ZNG1E: variants seen among roughly 807,000 people sequenced by gnomAD.
The protein encoded by ZNG1E is Zn regulated GTPase metalloprotein activator 1E, also known as zinc-regulated GTPase metalloprotein activator 1E.
the ZNG1E span, among the ~76,000 whole-genome samples, chr9:65,667,894 GCTGAGGCAAGAGAATTGC>G: frequency 2.9e-5 from 4 of 136,188 alleles, no homozygotes; most frequent in Admixed American, 3.0e-4. Flanking sequence ...TACTTGGGAG[GCTGAGGCAAGAGAATTGC>G]CTGAACCTTG....
chr9:65,659,183 G>C, the ZNG1E span, among the ~76,000 whole-genome samples: 600 of 151,128 alleles, frequency 4.0e-3, no homozygotes, highest in African/African-American at 0.014. Context: ...GGAAGACACA[G>C]AGCAGTGCCT....
At chr9:65,728,954 C>T in the ZNG1E span, among the ~76,000 whole-genome samples, 10 of 148,014 alleles carry the variant, frequency 6.8e-5, no homozygotes, top group Non-Finnish European at 1.5e-4. Context: ...TGCTAAAATC[C>T]TTAAGAAAAT....
the ZNG1E span, chr9:65,690,878 A>G: frequency 6.5e-7 from 1 of 1,545,230 alleles, no homozygotes; most frequent in African/African-American, 1.4e-5. Flanking sequence ...TTACCTGTTA[A>G]TTTTATCAGG....
At chr9:65,702,371 C>T in the ZNG1E span, among the ~76,000 whole-genome samples, 7 of 151,536 alleles carry the variant, frequency 4.6e-5, no homozygotes, top group East Asian at 9.7e-4. Context: ...CTTTTTGGTG[C>T]CATACAAAGC....
At chr9:65,693,738 G>T in the ZNG1E span, among the ~76,000 whole-genome samples, 253 of 151,514 alleles carry the variant, frequency 1.7e-3, no homozygotes, top group African/African-American at 6.0e-3. Flanking sequence ...TGTATTTTTA[G>T]TAGAGACAGG....
chr9:65,717,810 C>T, the ZNG1E span, among the ~76,000 whole-genome samples: 1 of 146,182 alleles, frequency 6.8e-6, no homozygotes, highest in Non-Finnish European at 1.5e-5. Flanking sequence ...ACCTCAGACT[C>T]ATGAGTAGCT....
the ZNG1E span, among the ~76,000 whole-genome samples, chr9:65,686,916 G>A: frequency 6.6e-6 from 1 of 152,218 alleles, no homozygotes. Flanking sequence ...TGGCTTAAGG[G>A]AACATTGTGG....
the ZNG1E span, among the ~76,000 whole-genome samples, chr9:65,678,146 C>T: frequency 7.3e-6 from 1 of 136,310 alleles, no homozygotes; most frequent in African/African-American, 2.8e-5. Context: ...TAAATCTTCT[C>T]TTAGAAGATT....
the ZNG1E span, among the ~76,000 whole-genome samples, chr9:65,680,752 A>G: frequency 6.6e-6 from 1 of 152,266 alleles, no homozygotes; most frequent in African/African-American, 2.4e-5. Flanking sequence ...TTCTTAAGTA[A>G]GTATTGCTAG....
the ZNG1E span, among the ~76,000 whole-genome samples, chr9:65,687,626 T>C: frequency 4.0e-5 from 6 of 150,642 alleles, no homozygotes; most frequent in Non-Finnish European, 8.9e-5. Flanking sequence ...TTTCAATGCT[T>C]GCTGTTTTCT....
At chr9:65,698,903 T>A in the ZNG1E span, among the ~76,000 whole-genome samples, 2 of 142,020 alleles carry the variant, frequency 1.4e-5, no homozygotes, top group East Asian at 3.9e-4. Context: ...ATAATAATTA[T>A]TATTATTATT....
the ZNG1E span, among the ~76,000 whole-genome samples, chr9:65,695,319 G>GT: frequency 1.1e-5 from 1 of 87,468 alleles, no homozygotes. Context: ...TAGCCAGTGG[G>GT]TTTTAAGACA....
chr9:65,715,387 C>T, the ZNG1E span, among the ~76,000 whole-genome samples: 5 of 150,882 alleles, frequency 3.3e-5, no homozygotes, highest in Admixed American at 6.6e-5. Flanking sequence ...AGCTGTAGAC[C>T]GGAGCTGTTC....
chr9:65,693,129 A>T, the ZNG1E span, among the ~76,000 whole-genome samples: 1 of 152,268 alleles, frequency 6.6e-6, no homozygotes, highest in African/African-American at 2.4e-5. Flanking sequence ...CTTAAAATTT[A>T]AAAAGTACAT....
the ZNG1E span, among the ~76,000 whole-genome samples, chr9:65,715,303 T>A: frequency 6.6e-6 from 1 of 150,384 alleles, no homozygotes; most frequent in Non-Finnish European, 1.5e-5. Context: ...TGTCTGGCAC[T>A]CCCTAGTGAG....
the ZNG1E span, among the ~76,000 whole-genome samples, chr9:65,721,521 C>T: frequency 6.7e-6 from 1 of 150,176 alleles, no homozygotes; most frequent in Non-Finnish European, 1.5e-5. Flanking sequence ...TCCTTGTATG[C>T]ATCACCCAGT....
At chr9:65,663,843 A>T in the ZNG1E span, among the ~76,000 whole-genome samples, 1 of 151,026 alleles carries the variant, frequency 6.6e-6, no homozygotes. Context: ...TTTTAAGGTA[A>T]CATTGCTCCT....
At chr9:65,669,447 T>C in the ZNG1E span, among the ~76,000 whole-genome samples, 1 of 151,130 alleles carries the variant, frequency 6.6e-6, no homozygotes, top group Non-Finnish European at 1.5e-5. Context: ...ATGGAAGAAA[T>C]TATTTAGACT....
chr9:65,710,995 T>G, the ZNG1E span, among the ~76,000 whole-genome samples: 2 of 145,746 alleles, frequency 1.4e-5, no homozygotes, highest in East Asian at 3.9e-4. Flanking sequence ...GAGCATGGAA[T>G]GTTCTTCCAT....
Sources: allele counts gnomAD v4.1 joint callset (sites outside exome capture counted in the v4.1 genomes callset), GRCh38; gene constraint gnomAD v4.1.1; transcripts MANE v1.5; gene names NCBI Gene and HGNC (gene_info 2026-07-23, HGNC 2026-07-21).